The following NEDD4L variants were observed in gnomAD, a reference collection of about 807,000 sequenced individuals.
NEDD4L encodes E3 ubiquitin-protein ligase NEDD4-like.
NEDD4L carries 54 observed loss-of-function variants against 148.9 expected under a neutral mutation model. That is an observed-to-expected ratio of 0.36 (90% confidence interval 0.29 to 0.45). The LOEUF (loss-of-function observed/expected upper bound fraction) is 0.45. Among genes scored for constraint, NEDD4L ranks in the 20% least tolerant of loss-of-function variants. The probability of loss-of-function intolerance (pLI) is 1.00; values close to 1 mark genes in which losing one functional copy is unlikely to be tolerated. For synonymous variants in NEDD4L, 433 were observed against 440.7 expected, an observed-to-expected ratio of 0.98 and a Z score of 0.22; for missense variants, 856 against 1,233.8, an observed-to-expected ratio of 0.69 and a Z score of 4.59.
intron 2 of NEDD4L, among the ~76,000 whole-genome samples, chr18:58,186,009 A>G (rs1184151085): frequency 1.3e-5 from 2 of 152,346 alleles, no homozygotes; most frequent in African/African-American, 4.8e-5. Flanking sequence ...GATGCAACAG[A>G]TACATATGCA....
chr18:58,195,673 A>G (rs2040598019), intron 2 of NEDD4L: 1 of 1,351,922 alleles, frequency 7.4e-7, no homozygotes, highest in Non-Finnish European at 9.8e-7. Context: ...GACCATCTGC[A>G]TCTAGACCTG....
chr18:58,397,378 A>C lies in NEDD4L; in HGVS notation c.*1109A>C, dbSNP rs1463056837. The stretch of plus-strand genomic sequence containing the variant: ...TTTTATTTTTTTATCATGAACATTA[A>C]ATGTGATGATGATTTCTTTTCCCTG... On this transcript the variant is annotated 3_prime_UTR_variant, in exon 31 of 31. Transcript: ENST00000400345. 2 of 152,532 alleles carry C rather than the reference A, an allele frequency of 1.3e-5. No individual in the cohort carries two copies. Among genetic ancestry groups the C allele is most frequent in the Admixed American group, 6.5e-5 (1 of 15,268 alleles). 9.4% of individuals were successfully genotyped at this position (152,532 alleles called of 1,614,324 possible). A position where few individuals can be genotyped will look rare whatever the true frequency, so the allele number is the denominator to read the frequency against.
chr18:58,163,544 G>C (rs189687816), intron 1 of NEDD4L, among the ~76,000 whole-genome samples: 2 of 152,326 alleles, frequency 1.3e-5, no homozygotes, highest in East Asian at 3.9e-4. Flanking sequence ...TGACTTGCCT[G>C]GTGTTACTTT....
rs141848141 is a variant in NEDD4L at position 58,074,799 on chromosome 18, T to G, written c.48+30091T>G. On this transcript the variant is annotated intron_variant, in intron 1 of 30. Transcript: ENST00000400345. Reference sequence around the variant, plus strand: ...GATGCTGTATATTAAGACAAGAAGATGAAGCCCAAATGGCAGGGAAATTGA... The same window carrying G: ...GATGCTGTATATTAAGACAAGAAGAGGAAGCCCAAATGGCAGGGAAATTGA... Among the ~76,000 whole-genome samples, 684 of 152,216 alleles carry G rather than the reference T, an allele frequency of 4.5e-3. 5 individuals carry two copies. The highest frequency in any genetic ancestry group is 0.031 in the Middle Eastern group (9 of 294).
chr18:58,277,451 T>C (rs921452328), intron 5 of NEDD4L, among the ~76,000 whole-genome samples: 1 of 152,068 alleles, frequency 6.6e-6, no homozygotes, highest in African/African-American at 2.4e-5. Flanking sequence ...TGAAAAGAAA[T>C]GTCTACCAGG....
At chr18:58,052,965 CA>C (rs1188790187) in intron 1 of NEDD4L, among the ~76,000 whole-genome samples, 2 of 151,524 alleles carry the variant, frequency 1.3e-5, no homozygotes, top group East Asian at 1.9e-4. Flanking sequence ...GACTTTGTCT[CA>C]AAAAAAAGCT....
chr18:58,117,204 A>G (rs2085903407), intron 1 of NEDD4L, among the ~76,000 whole-genome samples: 1 of 152,254 alleles, frequency 6.6e-6, no homozygotes, highest in Non-Finnish European at 1.5e-5. Context: ...ACACTAATGT[A>G]AATCAGCACA....
At chr18:58,169,553 A>AG (rs987846748) in intron 2 of NEDD4L, among the ~76,000 whole-genome samples, 7 of 151,698 alleles carry the variant, frequency 4.6e-5, no homozygotes, top group African/African-American at 1.7e-4. Context: ...AACAGCTTAA[A>AG]AAAAATGCTA....
chr18:58,255,856 G>T, intron 5 of NEDD4L: 1 of 1,232,474 alleles, frequency 8.1e-7, no homozygotes, highest in Non-Finnish European at 1.0e-6. Context: ...GCTCGTCCAT[G>T]TTCATCCCGC....
chr18:58,206,146 T>C (rs2041960905), intron 2 of NEDD4L, among the ~76,000 whole-genome samples: 1 of 152,150 alleles, frequency 6.6e-6, no homozygotes, highest in Non-Finnish European at 1.5e-5. Context: ...CCCAGCACTT[T>C]GGGAGGCCGA....
chr18:58,125,177 G>A (rs2030814689), intron 1 of NEDD4L, among the ~76,000 whole-genome samples: 1 of 152,216 alleles, frequency 6.6e-6, no homozygotes, highest in African/African-American at 2.4e-5. Context: ...GGGATTAGAG[G>A]TGTGAGGCAT....
rs376117488 is a variant in NEDD4L, at chr18:58,342,941, A to G, written c.1413A>G (p.Lys471=). The change falls in exon 16 of 31, where the codon AAA becomes AAG. Residue 471 remains lysine, a synonymous_variant. Transcript: ENST00000400345. ...AKDSPVRRAV[K]DTLSNPQSPQ... is the part of the protein sequence containing the mutation. ...ACTCACCCGTACGTCGGGCTGTGAA[A>G]GACACCCTTTCCAACCCACAGTCCC... The G allele has an allele frequency of 6.2e-7, 1 of 1,612,518 alleles. No individual in the cohort carries two copies. The highest frequency in any genetic ancestry group is 1.3e-5 in the African/African-American group (1 of 74,868).
chr18:58,207,485 G>A (rs2042091935), intron 2 of NEDD4L, among the ~76,000 whole-genome samples: 1 of 109,954 alleles, frequency 9.1e-6, no homozygotes, highest in Admixed American at 8.9e-5. Context: ...TGGCCTACAG[G>A]GTTGTTAACC....
chr18:58,183,514 AG>A (rs887354632), intron 2 of NEDD4L, among the ~76,000 whole-genome samples: 8 of 152,216 alleles, frequency 5.3e-5, no homozygotes, highest in African/African-American at 1.9e-4. Flanking sequence ...CCCTCTGGCT[AG>A]GTAGAACAAA....
chr18:58,369,825 G>C (rs1393590601), intron 22 of NEDD4L, among the ~76,000 whole-genome samples: 1 of 152,208 alleles, frequency 6.6e-6, no homozygotes, highest in Non-Finnish European at 1.5e-5. Context: ...CTCCGCGGGG[G>C]GTTGCACAGG....
At chr18:58,149,572 A>C (rs1451776441) in intron 1 of NEDD4L, 2 of 1,527,298 alleles carry the variant, frequency 1.3e-6, no homozygotes, top group Non-Finnish European at 1.8e-6. Flanking sequence ...AACACTCGGT[A>C]AGACTTTGCT....
At chr18:58,201,531 A>G (rs1056199298) in intron 2 of NEDD4L, among the ~76,000 whole-genome samples, 1 of 152,198 alleles carries the variant, frequency 6.6e-6, no homozygotes, top group Non-Finnish European at 1.5e-5. Flanking sequence ...TTTATTTAGC[A>G]TATACCATCA....
chr18:58,397,433 A>G lies in NEDD4L; in HGVS notation c.*1164A>G, dbSNP rs927654190. The G allele has an allele frequency of 6.6e-6, 1 of 152,396 alleles. No individual in the cohort carries two copies. Among genetic ancestry groups the G allele is most frequent in the Non-Finnish European group, 1.5e-5 (1 of 68,036 alleles). The allele number at this position is 152,396 out of a possible 1,614,324, so 9.4% of individuals were successfully genotyped here. ...CATCTTTCCGGTGCAATATCTATCA[A>G]TTGTGAATCTGGCTGCTGGTGTATA... On this transcript the variant is annotated 3_prime_UTR_variant, in exon 31 of 31. Transcript: ENST00000400345.
chr18:58,049,594 T>G (rs1336797065), intron 1 of NEDD4L, among the ~76,000 whole-genome samples: 1 of 152,154 alleles, frequency 6.6e-6, no homozygotes, highest in African/African-American at 2.4e-5. Flanking sequence ...TAGGTAATGT[T>G]TGAGAAACAA....
Sources: gnomAD v4.1 joint callset for allele counts (sites outside exome capture counted in the v4.1 genomes callset) on GRCh38, gnomAD v4.1.1 for gene constraint, MANE v1.5 for transcripts, NCBI Gene and HGNC (gene_info 2026-07-23, HGNC 2026-07-21) for gene names.